The following CSMD3 variants were observed in gnomAD, a reference collection of about 807,000 sequenced individuals.
CSMD3 encodes CUB and sushi domain-containing protein 3.
Under a neutral mutation model 435.2 loss-of-function variants are expected in CSMD3, and 177 were observed. The observed-to-expected ratio is 0.41, with a 90% CI of 0.36 to 0.46. The LOEUF (loss-of-function observed/expected upper bound fraction) is 0.46, where lower values mean the gene tolerates loss of function less well. Among genes scored for constraint, CSMD3 ranks in the 20% least tolerant of loss-of-function variants. The pLI is 0.34. For missense variants in CSMD3, 4,265 were observed against 4,504.6 expected (o/e 0.95, Z 1.52); for synonymous variants, 1,656 against 1,520.5 (o/e 1.09, Z -2.07).
chr8:112,728,908 A>G (rs2077020924), intron 13 of CSMD3, among the ~76,000 whole-genome samples: 2 of 152,048 alleles, frequency 1.3e-5, no homozygotes, highest in Admixed American at 1.3e-4. Context: ...ATTGCATTAC[A>G]TAATAGACAT....
At chr8:113,061,606 T>G (rs1587991159) in intron 5 of CSMD3, among the ~76,000 whole-genome samples, 1 of 152,284 alleles carries the variant, frequency 6.6e-6, no homozygotes, top group East Asian at 1.9e-4. Context: ...GTCATTAAAC[T>G]GTTTTGATTT....
chr8:112,623,891 T>C (rs1317348969), intron 22 of CSMD3, among the ~76,000 whole-genome samples: 1 of 152,026 alleles, frequency 6.6e-6, no homozygotes, highest in Non-Finnish European at 1.5e-5. Context: ...AATTAATGAA[T>C]AGATGAGTGA....
At chr8:112,535,990 T>A (rs1826038140) in intron 27 of CSMD3, among the ~76,000 whole-genome samples, 1 of 152,044 alleles carries the variant, frequency 6.6e-6, no homozygotes, top group Non-Finnish European at 1.5e-5. Flanking sequence ...TGAAACTGGA[T>A]CCCTTCCTTA....
chr8:113,326,380 T>C (rs1356638580), intron 1 of CSMD3, among the ~76,000 whole-genome samples: 1 of 152,010 alleles, frequency 6.6e-6, no homozygotes, highest in Non-Finnish European at 1.5e-5. Flanking sequence ...CTGATGATCC[T>C]CACTATAACA....
intron 1 of CSMD3, among the ~76,000 whole-genome samples, chr8:113,399,519 T>A (rs1172404222): frequency 3.3e-5 from 5 of 151,412 alleles, no homozygotes; most frequent in Admixed American, 3.3e-4. Flanking sequence ...TGGAAAACGG[T>A]TTGCTAAATG....
At chr8:113,435,085 A>T (rs1318885268) in intron 1 of CSMD3, among the ~76,000 whole-genome samples, 2 of 152,034 alleles carry the variant, frequency 1.3e-5, no homozygotes, top group Non-Finnish European at 2.9e-5. Flanking sequence ...GTGGCAGGCG[A>T]ACTAAGCATA....
At chr8:112,270,011 G>A (rs777780384) in intron 59 of CSMD3, among the ~76,000 whole-genome samples, 4 of 152,116 alleles carry the variant, frequency 2.6e-5, no homozygotes, top group Non-Finnish European at 4.4e-5. Context: ...GGACATGTCT[G>A]GAGTTAGAAA....
intron 45 of CSMD3, among the ~76,000 whole-genome samples, chr8:112,325,519 G>A (rs1231875106): frequency 1.3e-5 from 2 of 151,992 alleles, no homozygotes; most frequent in African/African-American, 4.8e-5. Context: ...ATGAAAGCAG[G>A]CATTTTTGCT....
chr8:112,998,295 A>G (rs887329066), intron 6 of CSMD3, among the ~76,000 whole-genome samples: 1 of 151,894 alleles, frequency 6.6e-6, no homozygotes, highest in Non-Finnish European at 1.5e-5. Flanking sequence ...TAAAAAACCA[A>G]ACATAATCTA....
chr8:112,512,395 A>G (rs2130961142), intron 28 of CSMD3, among the ~76,000 whole-genome samples: 1 of 152,356 alleles, frequency 6.6e-6, no homozygotes, highest in East Asian at 1.9e-4. Context: ...GCATATCTCC[A>G]TTAGAGCTTT....
Position 112,458,215 on chromosome 8 carries a change from C to CCACCCACACACACA in CSMD3, c.5395+14375_5395+14376insTGTGTGTGTGGGTG, listed in dbSNP as rs1554579458. 5.3e-5 allele frequency among the ~76,000 whole-genome samples: 8 copies of CCACCCACACACACA among 150,810 alleles called. 1 individual carries two copies. The highest frequency in any genetic ancestry group is 3.9e-4 in the East Asian group (2 of 5,118). ...TACGTACACACACACACACTCACAC[C>CCACCCACACACACA]CACACACACACAGAGAAACAGAGAT... On this transcript the variant is annotated intron_variant, in intron 32 of 70. Coordinates refer to ENST00000297405, the MANE Select transcript of CSMD3 (RefSeq NM_198123.2).
At chr8:112,886,383 CA>C (rs2081599537) in intron 10 of CSMD3, among the ~76,000 whole-genome samples, 1 of 150,426 alleles carries the variant, frequency 6.6e-6, no homozygotes, top group Non-Finnish European at 1.5e-5. Flanking sequence ...AGAAAATGAG[CA>C]AATTTTTAAA....
chr8:113,182,300 C>T (rs1020609378), intron 3 of CSMD3, among the ~76,000 whole-genome samples: 16 of 151,828 alleles, frequency 1.1e-4, no homozygotes, highest in African/African-American at 3.9e-4. Flanking sequence ...TCAGAAGAGT[C>T]AAATAAATCA....
intron 13 of CSMD3, among the ~76,000 whole-genome samples, chr8:112,773,568 A>T (rs1563946540): frequency 6.6e-6 from 1 of 152,034 alleles, no homozygotes; most frequent in Non-Finnish European, 1.5e-5. Flanking sequence ...GAGTATTTTT[A>T]AGAAACTTAA....
chr8:112,778,255 G>C (rs140007047), intron 13 of CSMD3, among the ~76,000 whole-genome samples: 1 of 151,828 alleles, frequency 6.6e-6, no homozygotes, highest in East Asian at 1.9e-4. Flanking sequence ...TTAGAATTCA[G>C]GCTTGGTGTT....
chr8:112,307,982 AC>A (rs543692697), intron 50 of CSMD3, among the ~76,000 whole-genome samples: 103 of 152,274 alleles, frequency 6.8e-4, no homozygotes, highest in African/African-American at 2.2e-3. Flanking sequence ...AAAATGAAAA[AC>A]CTTAGTGAAA....
chr8:112,692,913 A>ATATCTATCTATC (rs6150766), intron 13 of CSMD3, among the ~76,000 whole-genome samples: 7 of 144,494 alleles, frequency 4.8e-5, no homozygotes, highest in Non-Finnish European at 9.1e-5. Flanking sequence ...ATTAATCTTT[A>ATATCTATCTATC]TATCTATCTA....
At chr8:112,515,016 C>T (rs1193854879) in intron 28 of CSMD3, among the ~76,000 whole-genome samples, 3 of 151,916 alleles carry the variant, frequency 2.0e-5, no homozygotes, top group Non-Finnish European at 2.9e-5. Flanking sequence ...CCTCACACAA[C>T]CTGCTTAACT....
At chr8:112,930,798 T>C (rs1206712999) in intron 9 of CSMD3, among the ~76,000 whole-genome samples, 1 of 152,130 alleles carries the variant, frequency 6.6e-6, no homozygotes, top group Non-Finnish European at 1.5e-5. Context: ...TACCTCATTG[T>C]CTGTGAACTG....
Sources: allele counts gnomAD v4.1 joint callset (sites outside exome capture counted in the v4.1 genomes callset), GRCh38; gene constraint gnomAD v4.1.1; transcripts MANE v1.5; gene names NCBI Gene and HGNC (gene_info 2026-07-23, HGNC 2026-07-21).